Variants in SNAPC3 observed in about 807,000 individuals in gnomAD.
SNAPC3 encodes small nuclear RNA activating complex polypeptide 3.
SNAPC3 carries 56 observed loss-of-function variants against 47.7 expected under a neutral mutation model. The observed-to-expected ratio is 1.18, with a 90% CI of 0.95 to 1.47. SNAPC3 has a LOEUF of 1.47. Ranked by LOEUF, SNAPC3 falls within the 40% of genes most tolerant of loss-of-function variation. The pLI is 0.00. For synonymous variants in SNAPC3, 235 were observed against 189.9 expected (o/e 1.24, Z -1.95); for missense variants, 665 against 511.3 (o/e 1.30, Z -2.90).
chr9:15,439,226 GT>G (rs2033104144), intron 3 of SNAPC3, among the ~76,000 whole-genome samples: 1 of 152,174 alleles, frequency 6.6e-6, no homozygotes, highest in Non-Finnish European at 1.5e-5. Flanking sequence ...GCCCAGGCTG[GT>G]CTTGAACTCT....
intron 5 of SNAPC3, among the ~76,000 whole-genome samples, chr9:15,449,220 ATC>A: frequency 6.6e-6 from 1 of 152,162 alleles, no homozygotes; most frequent in East Asian, 1.9e-4. Context: ...AAGAAGAAAA[ATC>A]TGAATTTACC....
At chr9:15,450,499 A>G (rs1382265200) in intron 5 of SNAPC3, among the ~76,000 whole-genome samples, 7 of 152,198 alleles carry the variant, frequency 4.6e-5, no homozygotes, top group Admixed American at 6.5e-5. Flanking sequence ...CATTTCACAG[A>G]TGAGAAAACA....
Position 15,459,836 on chromosome 9 carries a change from T to C in SNAPC3, c.1206T>C (p.Tyr402=). ...EGNKLGEFLA[Y]PYVDPGTFN The stretch of plus-strand genomic sequence containing the variant: ...ACAAACTGGGGGAATTCCTTGCTTA[T>C]CCTTATGTTGATCCTGGAACCTTTA... The change falls in exon 9 of 9, where the codon TAT becomes TAC. Residue 402 remains tyrosine (Y), a synonymous_variant. Coordinates refer to ENST00000380821, the MANE Select transcript of SNAPC3 (RefSeq NM_001039697.2). 6.2e-7 allele frequency: 1 copy of C among 1,613,720 alleles called. No individual in the cohort carries two copies. Among genetic ancestry groups the C allele is most frequent in the Non-Finnish European group, 8.5e-7 (1 of 1,179,822 alleles).
At chr9:15,430,589 C>G (rs1461152751) in intron 2 of SNAPC3, among the ~76,000 whole-genome samples, 2 of 152,114 alleles carry the variant, frequency 1.3e-5, no homozygotes, top group Non-Finnish European at 2.9e-5. Context: ...GTAATTTATA[C>G]CAAAGGTACC....
intron 4 of SNAPC3, among the ~76,000 whole-genome samples, chr9:15,445,569 AT>A (rs1554649563): frequency 1.1e-4 from 2 of 17,550 alleles, no homozygotes; most frequent in East Asian, 5.8e-3. Context: ...TGAAATATTA[AT>A]ATATATATAA....
rs192424679 is a variant in SNAPC3, at chr9:15,446,879, G to C, written c.583-216G>C. 4.5e-4 allele frequency among the ~76,000 whole-genome samples: 69 copies of C among 152,188 alleles called. 1 individual carries two copies. In the East Asian group the frequency reaches 0.013, roughly 28 times the overall value. On this transcript the variant is annotated intron_variant, in intron 4 of 8. Transcript: ENST00000380821. ...TGGCTTGGTGTGTAATAAAGGAGGTGGTTTCAGAGTGGCTCTGGATCACAG... is the reference window on the plus strand; with the variant it reads ...TGGCTTGGTGTGTAATAAAGGAGGTCGTTTCAGAGTGGCTCTGGATCACAG...
intron 3 of SNAPC3, among the ~76,000 whole-genome samples, chr9:15,437,044 C>T (rs1267381337): frequency 6.6e-6 from 1 of 151,854 alleles, no homozygotes; most frequent in African/African-American, 2.4e-5. Context: ...AAACTGGTCT[C>T]CAACTCCCAG....
intron 3 of SNAPC3, among the ~76,000 whole-genome samples, chr9:15,440,131 C>G (rs1013334162): frequency 3.3e-5 from 5 of 152,184 alleles, no homozygotes; most frequent in Non-Finnish European, 7.3e-5. Context: ...TGTCCATTAA[C>G]ATAACCTTGT....
intron 3 of SNAPC3, among the ~76,000 whole-genome samples, chr9:15,440,641 CATAG>C (rs1344131738): frequency 5.9e-5 from 9 of 152,158 alleles, no homozygotes; most frequent in African/African-American, 4.8e-5. Context: ...ATCTAGGCTA[CATAG>C]ATAGATAGAT....
chr9:15,450,762 C>T (rs1234197489), intron 5 of SNAPC3, among the ~76,000 whole-genome samples: 1 of 152,182 alleles, frequency 6.6e-6, no homozygotes, highest in African/African-American at 2.4e-5. Context: ...TTTGATTTTG[C>T]AGTCAGGATT....
chr9:15,447,673 G>T (rs1331398769), intron 5 of SNAPC3, among the ~76,000 whole-genome samples: 2 of 152,092 alleles, frequency 1.3e-5, no homozygotes, highest in African/African-American at 4.8e-5. Context: ...TGTAGCATAT[G>T]ACTTTGCTGT....
chr9:15,450,454 A>G lies in SNAPC3; in HGVS notation c.733-866A>G, dbSNP rs150762764. Among the ~76,000 whole-genome samples the G allele has an allele frequency of 4.6e-5, 7 of 152,336 alleles. No individual in the cohort carries two copies. In the East Asian group the frequency reaches 7.7e-4, roughly 17 times the overall value. Reference sequence around the variant, plus strand: ...TAAATTGCTTTTGATCTTCACCACAATCCTGTAAGACATCGTGGCAGATAT... The same window carrying G: ...TAAATTGCTTTTGATCTTCACCACAGTCCTGTAAGACATCGTGGCAGATAT... On this transcript the variant is annotated intron_variant, in intron 5 of 8. Coordinates refer to ENST00000380821, the MANE Select transcript of SNAPC3 (RefSeq NM_001039697.2).
At chr9:15,463,213 CTCTTTTTT>C (rs1174005024), downstream of SNAPC3, 13 of 105,090 alleles carry the variant, frequency 1.2e-4, no homozygotes, top group Non-Finnish European at 1.6e-4. Context: ...CATGGTATGA[CTCTTTTTT>C]TTTTTTTTTT....
At chr9:15,433,783 T>C in intron 3 of SNAPC3, 147 bp downstream of exon 3, 2 of 500,926 alleles carry the variant, frequency 4.0e-6, no homozygotes, top group Non-Finnish European at 7.0e-6. Flanking sequence ...GTCTGGGAAC[T>C]AGTGAGAGAA....
chr9:15,443,636 G>A (rs1315510878), intron 3 of SNAPC3, among the ~76,000 whole-genome samples: 1 of 152,056 alleles, frequency 6.6e-6, no homozygotes, highest in Non-Finnish European at 1.5e-5. Flanking sequence ...TCCTGCTGGG[G>A]GAAGCTGCTG....
downstream of SNAPC3, chr9:15,465,104 GAC>G (rs2035526279): frequency 4.3e-6 from 1 of 230,668 alleles, no homozygotes; most frequent in Admixed American, 5.7e-5. Context: ...ACAGTGAAAA[GAC>G]AGTCTGGTAA....
chr9:15,451,165 G>C (rs1487097395), intron 5 of SNAPC3, among the ~76,000 whole-genome samples, 155 bp from the exon 6 acceptor site: 3 of 149,944 alleles, frequency 2.0e-5, no homozygotes, highest in Non-Finnish European at 4.4e-5. Flanking sequence ...CAAACGTAGT[G>C]ATTATAACAG....
intron 3 of SNAPC3, 59 bp downstream of exon 3, chr9:15,433,695 C>A: frequency 9.3e-7 from 1 of 1,072,262 alleles, no homozygotes; most frequent in Non-Finnish European, 1.4e-6. Flanking sequence ...CCGACATTGG[C>A]TGAGGGTTAG....
downstream of SNAPC3, chr9:15,463,639 TATGA>T (rs1563859585): frequency 6.6e-6 from 1 of 152,106 alleles, no homozygotes. Flanking sequence ...TCTTAAGTCT[TATGA>T]ATAATTATCA....
Sources: allele counts gnomAD v4.1 joint callset (sites outside exome capture counted in the v4.1 genomes callset), GRCh38; gene constraint gnomAD v4.1.1; transcripts MANE v1.5; gene names NCBI Gene and HGNC (gene_info 2026-07-23, HGNC 2026-07-21).